The following MTUS2 variants were observed in gnomAD, a reference collection of about 807,000 sequenced individuals.
MTUS2 encodes the protein microtubule associated scaffold protein 2.
A neutral mutation model predicts 114.1 loss-of-function variants in MTUS2; 40 were observed. That is an observed-to-expected ratio of 0.35 (90% confidence interval 0.27 to 0.46). The LOEUF (loss-of-function observed/expected upper bound fraction) is 0.46, where lower values mean the gene tolerates loss of function less well. Ranked by LOEUF, MTUS2 falls within the 20% of genes least tolerant of loss-of-function variation. The pLI, the probability that MTUS2 is intolerant of heterozygous loss-of-function variation, is 1.00. For synonymous variants in MTUS2, 688 were observed against 672.0 expected (o/e 1.02, Z -0.37); for missense variants, 1,679 against 1,705.4 (o/e 0.98, Z 0.27).
At chr13:29,118,383 C>G (rs974086521) in intron 5 of MTUS2, among the ~76,000 whole-genome samples, 2 of 152,100 alleles carry the variant, frequency 1.3e-5, no homozygotes, top group Non-Finnish European at 2.9e-5. Flanking sequence ...CTCTGATGTC[C>G]TCATCCCGTG....
chr13:29,221,142 A>C (rs2139322145), intron 5 of MTUS2, among the ~76,000 whole-genome samples: 1 of 152,342 alleles, frequency 6.6e-6, no homozygotes, highest in East Asian at 1.9e-4. Flanking sequence ...CTGCCTGTGC[A>C]TCTAGAACAG....
intron 2 of MTUS2, among the ~76,000 whole-genome samples, chr13:29,001,462 G>T (rs1180746400): frequency 1.3e-5 from 2 of 152,146 alleles, no homozygotes; most frequent in East Asian, 3.9e-4. Flanking sequence ...AGGAGTCAGG[G>T]GTGACTCCAG....
intron 5 of MTUS2, among the ~76,000 whole-genome samples, chr13:29,236,113 A>G (rs1896526194): frequency 1.3e-5 from 2 of 152,126 alleles, no homozygotes; most frequent in African/African-American, 4.8e-5. Context: ...ACTTTAACCT[A>G]TTAATCTACT....
chr13:28,907,832 TAGAC>T (rs1443986725), intron 2 of MTUS2, among the ~76,000 whole-genome samples: 2 of 151,510 alleles, frequency 1.3e-5, no homozygotes, highest in Non-Finnish European at 2.9e-5. Context: ...CTGTCAACAT[TAGAC>T]AGATAATCGA....
chr13:29,503,180 G>A lies in MTUS2; in HGVS notation c.4084G>A (p.Ala1362Thr). The change falls in exon 16 of 16, where the codon GCC becomes ACC. Residue 1362 changes from alanine to threonine, a missense_variant. Ala to Thr is a moderately conservative substitution (Grantham distance 58, BLOSUM62 0). Around this residue, in one of 3 missense-constraint regions of MTUS2, gnomAD observed 822 missense variants for 899.7 expected, o/e 0.91. Coordinates refer to ENST00000612955, the MANE Select transcript of MTUS2 (RefSeq NM_001033602.4). ...CTCCTCCTCGGGGCCCTCCTCTCCG[G>A]CCAGAGTCAGCACAACACCCAGATG... ...RGSSSGPSSP[A>T]RVSTTPR The A allele has an allele frequency of 6.2e-7, 1 of 1,613,988 alleles. No homozygotes were observed. Among genetic ancestry groups the A allele is most frequent in the Non-Finnish European group, 8.5e-7 (1 of 1,180,028 alleles).
chr13:29,409,187 G>C (rs900230937), intron 8 of MTUS2, among the ~76,000 whole-genome samples: 1 of 152,050 alleles, frequency 6.6e-6, no homozygotes, highest in African/African-American at 2.4e-5. Flanking sequence ...AGGTGTGGTA[G>C]CACCTGTAAT....
chr13:29,205,385 A>G (rs898411649), intron 5 of MTUS2, among the ~76,000 whole-genome samples: 8 of 151,622 alleles, frequency 5.3e-5, no homozygotes, highest in African/African-American at 1.9e-4. Context: ...CATTAATGTC[A>G]TTTCTCTCTT....
intron 5 of MTUS2, among the ~76,000 whole-genome samples, chr13:29,207,693 G>C (rs1488792723): frequency 6.6e-6 from 1 of 152,048 alleles, no homozygotes; most frequent in East Asian, 1.9e-4. Flanking sequence ...TGTTATTTTT[G>C]TTTTTAATTC....
intron 2 of MTUS2, among the ~76,000 whole-genome samples, chr13:28,850,499 A>G (rs1876196357): frequency 2.0e-5 from 3 of 152,170 alleles, no homozygotes; most frequent in Non-Finnish European, 4.4e-5. Flanking sequence ...TCAACCCAGA[A>G]CTTTGCAATA....
At chr13:29,378,270 A>G (rs1428452730) in intron 8 of MTUS2, among the ~76,000 whole-genome samples, 1 of 147,294 alleles carries the variant, frequency 6.8e-6, no homozygotes, top group Non-Finnish European at 1.5e-5. Context: ...GTGTTACTGT[A>G]TGTTAATTTT....
At chr13:29,188,880 G>C (rs1894332728) in intron 5 of MTUS2, among the ~76,000 whole-genome samples, 1 of 152,190 alleles carries the variant, frequency 6.6e-6, no homozygotes, top group Non-Finnish European at 1.5e-5. Flanking sequence ...GTACAGCCTT[G>C]TGTGTGTTGC....
chr13:29,078,708 G>A (rs550499301), intron 4 of MTUS2, among the ~76,000 whole-genome samples: 2 of 152,240 alleles, frequency 1.3e-5, no homozygotes, highest in East Asian at 3.9e-4. Context: ...TTCGTGTAAT[G>A]GAATCATATA....
intron 5 of MTUS2, among the ~76,000 whole-genome samples, chr13:29,147,384 T>G (rs1892481462): frequency 6.6e-6 from 1 of 152,176 alleles, no homozygotes; most frequent in South Asian, 2.1e-4. Flanking sequence ...CATAGATTAT[T>G]TAAAAGAAGG....
rs57636866 is a variant in MTUS2 at position 29,168,888 on chromosome 13, C to CTGTGTG, written c.2644+67943_2644+67948dup. Among the ~76,000 whole-genome samples, 453 of 138,482 alleles carry CTGTGTG rather than the reference C, an allele frequency of 3.3e-3. 3 individuals carry two copies. The highest frequency in any genetic ancestry group is 9.8e-3 in the African/African-American group (363 of 36,906). 90.8% of individuals were successfully genotyped at this position (138,482 alleles called of 152,430 possible). ...ATTTGTCTCCTTTCACTTTATGAAT[C>CTGTGTG]TGTGTGTGTGTGTGTGTGTGTGTGT... On this transcript the variant is annotated intron_variant, in intron 5 of 15. Transcript: ENST00000612955.
chr13:28,850,386 C>T (rs1160220240), intron 2 of MTUS2, among the ~76,000 whole-genome samples: 6 of 152,116 alleles, frequency 3.9e-5, no homozygotes, highest in East Asian at 1.9e-4. Context: ...GATCTTGGCT[C>T]GTGGCAAGTT....
At chr13:29,488,833 C>G (rs180699893) in intron 11 of MTUS2, among the ~76,000 whole-genome samples, 16 of 152,252 alleles carry the variant, frequency 1.1e-4, no homozygotes, top group Admixed American at 1.0e-3. Flanking sequence ...TTGGGTTTTA[C>G]GTGGGTCATA....
At chr13:29,372,411 G>T (rs749863133) in intron 8 of MTUS2, among the ~76,000 whole-genome samples, 106 of 152,156 alleles carry the variant, frequency 7.0e-4, no homozygotes, top group Non-Finnish European at 1.2e-3. Flanking sequence ...AAAGGGCATG[G>T]ACTAGTACCT....
At chr13:29,009,538 G>C (rs1263260612) in intron 2 of MTUS2, among the ~76,000 whole-genome samples, 1 of 152,160 alleles carries the variant, frequency 6.6e-6, no homozygotes, top group Admixed American at 6.6e-5. Flanking sequence ...TAAGGATGGA[G>C]AATAGGTCAT....
At chr13:29,204,368 G>A (rs1052686508) in intron 5 of MTUS2, among the ~76,000 whole-genome samples, 11 of 152,302 alleles carry the variant, frequency 7.2e-5, no homozygotes, top group South Asian at 2.1e-4. Context: ...CGGATGGGCC[G>A]GGGTTGCCAA....
Sources: allele counts gnomAD v4.1 joint callset (sites outside exome capture counted in the v4.1 genomes callset), GRCh38; gene constraint gnomAD v4.1.1; regional missense constraint gnomAD v4.1.1; transcripts MANE v1.5; gene names NCBI Gene and HGNC (gene_info 2026-07-23, HGNC 2026-07-21).